Variants in NLRP4 observed in about 807,000 individuals in gnomAD.
The protein encoded by NLRP4 is NACHT, LRR and PYD domains-containing protein 4.
Under a neutral mutation model 84.7 loss-of-function variants are expected in NLRP4, and 44 were observed. The ratio of observed to expected loss-of-function variants is 0.52; its 90% confidence interval spans 0.41 to 0.67. The LOEUF is 0.67. NLRP4 is among the 30% of genes least tolerant of loss of function. NLRP4 has a pLI of 0.00. For missense variants in NLRP4, 1,260 were observed against 1,219.4 expected, an observed-to-expected ratio of 1.03 and a Z score of -0.50; for synonymous variants, 544 against 476.4, an observed-to-expected ratio of 1.14 and a Z score of -1.85.
chr19:55,877,062 A>G lies in NLRP4; in HGVS notation c.2592A>G (p.Gln864=). Residue 864 remains glutamine, a synonymous_variant, in exon 8 of 10, where the codon CAA becomes CAG. Transcript: ENST00000301295. ...TCGCCTCTGCTCTCATCAGCAATCA[A>G]AACCTGAAGATTCTGCAAATTGGGT... The part of the protein sequence containing the change: ...EDLASALISN[Q]NLKILQIGCN... The G allele has an allele frequency of 6.2e-7, 1 of 1,614,102 alleles. No homozygotes were observed. Among genetic ancestry groups the G allele is most frequent in the Non-Finnish European group, 8.5e-7 (1 of 1,179,980 alleles).
chr19:55,842,498 G>T (rs1600217998), intron 1 of NLRP4, among the ~76,000 whole-genome samples: 1 of 151,558 alleles, frequency 6.6e-6, no homozygotes, highest in East Asian at 1.9e-4. Context: ...TCTTCCCAGA[G>T]AAGAACATTA....
intron 2 of NLRP4, among the ~76,000 whole-genome samples, chr19:55,855,377 G>A (rs1290635876): frequency 6.6e-6 from 1 of 152,128 alleles, no homozygotes; most frequent in Non-Finnish European, 1.5e-5. Context: ...CCCCTTATGA[G>A]CAACCAAACA....
At chr19:55,863,486 G>A (rs1203149924) in intron 5 of NLRP4, among the ~76,000 whole-genome samples, 6 of 152,054 alleles carry the variant, frequency 3.9e-5, no homozygotes, top group Non-Finnish European at 7.4e-5. Flanking sequence ...AGAAGAGGGA[G>A]GCGCTACACA....
chr19:55,870,822 C>T lies in NLRP4; in HGVS notation c.2355-5C>T, dbSNP rs749577930. ...ACTCTCCTTCTCGTGTTTTTGTCCC[C>T]ATAGGTTGGCTTTCTGCCACCTCAG... On this transcript the variant is annotated splice_region_variant and splice_polypyrimidine_tract_variant and intron_variant, in intron 6 of 9. Transcript: ENST00000301295. 2 of 1,611,880 alleles carry T rather than the reference C, an allele frequency of 1.2e-6. No homozygotes were observed. The highest frequency in any genetic ancestry group is 1.7e-6 in the Non-Finnish European group (2 of 1,178,160).
intron 1 of NLRP4, among the ~76,000 whole-genome samples, chr19:55,843,628 T>C (rs1743471675): frequency 6.6e-6 from 1 of 151,800 alleles, no homozygotes; most frequent in Admixed American, 6.6e-5. Flanking sequence ...GGAGGTGGAG[T>C]TTGCAGTGAG....
chr19:55,844,831 T>A (rs1225601292), intron 1 of NLRP4, among the ~76,000 whole-genome samples: 1 of 151,828 alleles, frequency 6.6e-6, no homozygotes, highest in East Asian at 1.9e-4. Flanking sequence ...CAGAAAAGAG[T>A]CCCTGGTGAT....
chr19:55,878,793 G>A lies in NLRP4; in HGVS notation c.2697-1G>A, dbSNP rs774427867. On this transcript the variant is annotated splice_acceptor_variant, in intron 8 of 9. Transcript: ENST00000301295. LOFTEE classifies it high-confidence loss of function. ...TCTTACCATGTGTCTTTTTATTGCA[G>A]GTTGGAAGAATGTGGGTTAACGAGC... 7.3e-5 allele frequency: 117 copies of A among 1,610,096 alleles called. No homozygotes were observed. Among genetic ancestry groups the A allele is most frequent in the Non-Finnish European group, 9.7e-5 (114 of 1,177,452 alleles).
At chr19:55,851,622 TGTAATGTCCGAGGCTGC>T in intron 1 of NLRP4, among the ~76,000 whole-genome samples, 7 of 103,914 alleles carry the variant, frequency 6.7e-5, no homozygotes, top group Non-Finnish European at 2.3e-5. Context: ...GTGGCTGCGG[TGTAATGTCCGAGGCTGC>T]GGTGTAATGT....
Position 55,870,037 on chromosome 19 carries a change from G to T in NLRP4, c.2355-790G>T, listed in dbSNP as rs117108964. Among the ~76,000 whole-genome samples, 366 of 152,136 alleles carry T rather than the reference G, an allele frequency of 2.4e-3. 4 individuals are homozygous for T. The highest frequency in any genetic ancestry group is 0.011 in the East Asian group (56 of 5,152). On this transcript the variant is annotated intron_variant, in intron 6 of 9. Transcript: ENST00000301295. The stretch of plus-strand genomic sequence containing the variant: ...CCCTTGAGCCAGGGAGGTAGAGGCT[G>T]CAGTGAGCTGTGATCATGCCACTGC...
At chr19:55,866,046 C>A (rs1354012024) in intron 5 of NLRP4, among the ~76,000 whole-genome samples, 1 of 151,480 alleles carries the variant, frequency 6.6e-6, no homozygotes. Flanking sequence ...TTTTTTCCCC[C>A]AAATTTGAGA....
At chr19:55,871,764 G>A (rs1045363306) in intron 7 of NLRP4, among the ~76,000 whole-genome samples, 5 of 151,838 alleles carry the variant, frequency 3.3e-5, no homozygotes, top group African/African-American at 9.7e-5. Context: ...TGGGCCAATC[G>A]TTGGCACTGA....
chr19:55,858,525 A>C lies in NLRP4; in HGVS notation c.1132A>C (p.Asn378His), dbSNP rs749310599. ...TTSVYSSFVF[N>H]LFTPEGAEGP... is the part of the protein sequence containing the mutation. ...CTCTGTGTACTCCTCTTTCGTCTTT[A>C]ACCTGTTCACACCTGAGGGTGCCGA... The change falls in exon 3 of 10, where the codon AAC (asparagine) becomes CAC (histidine). Residue 378 changes from asparagine (N) to histidine (H), a missense_variant. Coordinates refer to ENST00000301295, the MANE Select transcript of NLRP4 (RefSeq NM_134444.5). This position sits in a 1 kb window ranked among gnomAD's most constrained non-coding sequence, Gnocchi z 4.2. 1 of 1,614,152 alleles carries C rather than the reference A, an allele frequency of 6.2e-7. No individual in the cohort carries two copies. The highest frequency in any genetic ancestry group is 1.7e-5 in the Admixed American group (1 of 60,018).
At chr19:55,841,952 CAGT>C (rs1298375356) in intron 1 of NLRP4, among the ~76,000 whole-genome samples, 1 of 152,156 alleles carries the variant, frequency 6.6e-6, no homozygotes, top group Admixed American at 6.6e-5. Context: ...ATATACCCAG[CAGT>C]AGAATTACTG....
At position 55,850,138 on chromosome 19, in the gene NLRP4, C is replaced by T. The variant is rs939628408; in HGVS notation, c.-65-1878C>T. The stretch of plus-strand genomic sequence containing the variant: ...AGCTGCGGTGTAATTTCCGTGGCTG[C>T]GGTGTAATTTCCGAGGCTGCGGTGT... On this transcript the variant is annotated intron_variant, in intron 1 of 9. Coordinates refer to ENST00000301295, the MANE Select transcript of NLRP4 (RefSeq NM_134444.5). 9.3e-5 allele frequency among the ~76,000 whole-genome samples: 13 copies of T among 140,510 alleles called. 1 individual carries two copies. In the East Asian group the frequency reaches 1.9e-3, roughly 21 times the overall value. The allele number at this position is 140,510 out of a possible 152,430, so 92.2% of individuals were successfully genotyped here.
At chr19:55,875,339 G>A (rs1319035013) in intron 7 of NLRP4, among the ~76,000 whole-genome samples, 1 of 152,130 alleles carries the variant, frequency 6.6e-6, no homozygotes, top group African/African-American at 2.4e-5. Flanking sequence ...AAAATCTGTA[G>A]CTAAGTTATC....
At position 55,867,784 on chromosome 19, in the gene NLRP4, G is replaced by A. The variant is rs369543357; in HGVS notation, c.2262G>A (p.Thr754=). Residue 754 remains threonine, a synonymous_variant, in exon 6 of 10, where the codon ACG becomes ACA. Coordinates refer to ENST00000301295, the MANE Select transcript of NLRP4 (RefSeq NM_134444.5). ...TTCTAACCAACAACAAGAAGCTGAC[G>A]TATCTGAATGTATCCTGCAACCAGT... ...AGLLTNNKKL[T]YLNVSCNQLD... 139 of 1,614,010 alleles carry A rather than the reference G, an allele frequency of 8.6e-5. No individual in the cohort carries two copies. The highest frequency in any genetic ancestry group is 6.6e-4 in the Middle Eastern group (4 of 6,084).
intron 7 of NLRP4, among the ~76,000 whole-genome samples, chr19:55,872,675 A>T (rs1294916642): frequency 1.3e-5 from 2 of 152,220 alleles, no homozygotes; most frequent in East Asian, 3.8e-4. Context: ...ACAGAAAAAT[A>T]GGTAAATCAT....
At chr19:55,837,248 A>G (rs1983363922) in intron 1 of NLRP4, among the ~76,000 whole-genome samples, 1 of 152,142 alleles carries the variant, frequency 6.6e-6, no homozygotes, top group African/African-American at 2.4e-5. Context: ...AGGAAAAGAT[A>G]GCTATGGGGT....
intron 8 of NLRP4, among the ~76,000 whole-genome samples, 187 bp from the exon 9 acceptor site, chr19:55,878,607 G>A (rs1195494570): frequency 1.1e-4 from 17 of 152,188 alleles, no homozygotes; most frequent in Non-Finnish European, 1.5e-5. Context: ...ATACAGAGAA[G>A]AATGGACACT....
Sources: gnomAD v4.1 joint callset for allele counts (sites outside exome capture counted in the v4.1 genomes callset) on GRCh38, gnomAD v4.1.1 for gene constraint, Gnocchi (gnomAD v3.1) non-coding constraint, MANE v1.5 for transcripts, NCBI Gene and HGNC (gene_info 2026-07-23, HGNC 2026-07-21) for gene names.